NAV2: variants seen among roughly 807,000 people sequenced by gnomAD.
NAV2 encodes the protein neuron navigator 2.
In NAV2, 54 loss-of-function variants were observed where a neutral mutation model predicts 223.2. The observed-to-expected ratio is 0.24, with a 90% CI of 0.19 to 0.30. The LOEUF is 0.30. Ranked by LOEUF, NAV2 falls within the 10% of genes least tolerant of loss-of-function variation. NAV2 has a pLI of 1.00. For synonymous variants in NAV2, 1,279 were observed against 1,239.3 expected (o/e 1.03, Z -0.67); for missense variants, 2,806 against 3,147.5 (o/e 0.89, Z 2.60).
rs2057436092 is a variant in NAV2 at position 19,790,376 on chromosome 11, T to C, written c.268-42108T>C. 2.0e-5 allele frequency among the ~76,000 whole-genome samples: 3 copies of C among 152,192 alleles called. No individual in the cohort carries two copies. In the South Asian group the frequency reaches 6.2e-4, roughly 32 times the overall value. The stretch of plus-strand genomic sequence containing the variant: ...ATTTGCTTAAGGTCACAGCCCAAAG[T>C]CTCTGACTTCCAGCCCAGGGCATTT... On this transcript the variant is annotated intron_variant, in intron 1 of 37. Transcript: ENST00000349880.
intron 1 of NAV2, among the ~76,000 whole-genome samples, chr11:19,671,340 C>A (rs2048566279): frequency 6.6e-6 from 1 of 152,160 alleles, no homozygotes; most frequent in African/African-American, 2.4e-5. Flanking sequence ...TTACACAGAG[C>A]TTCTTATTTC....
chr11:19,480,868 T>C (rs1360944520), intron 1 of NAV2, among the ~76,000 whole-genome samples: 2 of 152,214 alleles, frequency 1.3e-5, no homozygotes, highest in African/African-American at 4.8e-5. Context: ...TGTCTGTCTG[T>C]CTTTCTTTTC....
intron 1 of NAV2, among the ~76,000 whole-genome samples, chr11:19,371,422 A>C (rs1848465551): frequency 6.6e-6 from 1 of 152,196 alleles, no homozygotes; most frequent in Non-Finnish European, 1.5e-5. Context: ...AACCCAAAAA[A>C]GGGAAGCAAC....
chr11:19,622,308 C>T (rs146716250), intron 1 of NAV2, among the ~76,000 whole-genome samples: 4 of 152,264 alleles, frequency 2.6e-5, no homozygotes, highest in South Asian at 2.1e-4. Flanking sequence ...TCCTGGATAT[C>T]CTTTTTAACT....
At chr11:19,558,633 A>G in intron 1 of NAV2, among the ~76,000 whole-genome samples, 1 of 152,218 alleles carries the variant, frequency 6.6e-6, no homozygotes, top group East Asian at 1.9e-4. Context: ...CTGCTTGTGA[A>G]CAGCATGCAA....
chr11:20,068,810 C>A (rs1223562953), intron 22 of NAV2, among the ~76,000 whole-genome samples: 1 of 152,150 alleles, frequency 6.6e-6, no homozygotes, highest in African/African-American at 2.4e-5. Context: ...GGTAGCTGCT[C>A]TGTCATTGTG....
chr11:19,405,919 C>T (rs1423762294), intron 1 of NAV2, among the ~76,000 whole-genome samples: 2 of 152,114 alleles, frequency 1.3e-5, no homozygotes, highest in African/African-American at 4.8e-5. Context: ...AGTCATCGCC[C>T]ATAATTATCT....
chr11:19,529,482 C>T (rs1410690507), intron 1 of NAV2, among the ~76,000 whole-genome samples: 1 of 152,208 alleles, frequency 6.6e-6, no homozygotes, highest in Admixed American at 6.5e-5. Flanking sequence ...TTGAGACCCG[C>T]CCCACCCCAT....
chr11:19,499,786 C>T (rs906496093), intron 1 of NAV2, among the ~76,000 whole-genome samples: 3 of 152,164 alleles, frequency 2.0e-5, no homozygotes, highest in African/African-American at 7.2e-5. Context: ...TGTTCTTTTG[C>T]CCCTTAGGCA....
At chr11:20,103,796 A>G (rs1430916636) in intron 34 of NAV2, 72 bp downstream of exon 34, 8 of 1,334,624 alleles carry the variant, frequency 6.0e-6, no homozygotes, top group African/African-American at 1.4e-5. Flanking sequence ...GGGCGGGTAG[A>G]GATGCCTGTG....
intron 1 of NAV2, among the ~76,000 whole-genome samples, chr11:19,616,477 GA>G (rs992486420): frequency 6.6e-6 from 1 of 152,062 alleles, no homozygotes; most frequent in Non-Finnish European, 1.5e-5. Context: ...TTCTGTTGTT[GA>G]GACTCTCCTA....
chr11:19,593,990 G>A (rs1375543807), intron 1 of NAV2, among the ~76,000 whole-genome samples: 1 of 152,004 alleles, frequency 6.6e-6, no homozygotes, highest in African/African-American at 2.4e-5. Flanking sequence ...TAATCCTCAC[G>A]ACAACTCATG....
At position 20,097,675 on chromosome 11, in the gene NAV2, C is replaced by T. The variant is rs769334442; in HGVS notation, c.6111C>T (p.Ser2037=). Reference sequence around the variant, plus strand: ...GAGAAATCAAGCGCAGCAACACTTCCGAAACACCGGAGCTGCTTCCTTGTG... The same window carrying T: ...GAGAAATCAAGCGCAGCAACACTTCTGAAACACCGGAGCTGCTTCCTTGTG... The part of the protein sequence containing the change: ...SIGEIKRSNT[S]ETPELLPCGY... The change falls in exon 31 of 38, where the codon TCC becomes TCT. Residue 2037 remains serine (S), a synonymous_variant. Coordinates refer to ENST00000349880, the MANE Select transcript of NAV2 (RefSeq NM_145117.5). 1.7e-5 allele frequency: 28 copies of T among 1,613,288 alleles called. No homozygotes were observed. Among genetic ancestry groups the T allele is most frequent in the Admixed American group, 8.4e-5 (5 of 59,692 alleles).
intron 11 of NAV2, among the ~76,000 whole-genome samples, chr11:19,990,086 C>T (rs1033526247): frequency 6.6e-6 from 1 of 152,198 alleles, no homozygotes; most frequent in Non-Finnish European, 1.5e-5. Context: ...CCTCCCAGAC[C>T]TGTTGCACAT....
chr11:20,115,154 G>A (rs75594838), intron 37 of NAV2, among the ~76,000 whole-genome samples: 1,611 of 68,202 alleles, frequency 0.024, 33 homozygotes, highest in African/African-American at 0.046. Context: ...CAGAGCAGAG[G>A]AAGAGATTGC....
intron 1 of NAV2, among the ~76,000 whole-genome samples, chr11:19,548,822 G>C (rs2044592182): frequency 6.9e-6 from 1 of 145,680 alleles, no homozygotes; most frequent in Admixed American, 7.0e-5. Context: ...AGCTTGCAGT[G>C]AGCCAAGATC....
chr11:19,497,616 T>C (rs959612342), intron 1 of NAV2, among the ~76,000 whole-genome samples: 2 of 152,190 alleles, frequency 1.3e-5, no homozygotes. Context: ...GGCCTTGGCC[T>C]CAGGGTCCAC....
intron 1 of NAV2, among the ~76,000 whole-genome samples, chr11:19,766,742 A>T (rs12797612): frequency 0.42 from 63,198 of 152,018 alleles, 14,842 homozygotes; most frequent in African/African-American, 0.65. Context: ...CCACTTGGGA[A>T]TGGCAACTAG....
intron 1 of NAV2, among the ~76,000 whole-genome samples, chr11:19,791,959 C>T (rs1054395601): frequency 2.0e-5 from 3 of 152,154 alleles, no homozygotes; most frequent in African/African-American, 7.2e-5. Context: ...AGATGCTTTG[C>T]AATGTTCAGT....
Sources: gnomAD v4.1 joint callset for allele counts (sites outside exome capture counted in the v4.1 genomes callset) on GRCh38, gnomAD v4.1.1 for gene constraint, MANE v1.5 for transcripts, NCBI Gene and HGNC (gene_info 2026-07-23, HGNC 2026-07-21) for gene names.